STX8: variants seen among roughly 807,000 people sequenced by gnomAD.
STX8 encodes syntaxin 8.
A neutral mutation model predicts 37.5 loss-of-function variants in STX8; 23 were observed. The observed-to-expected ratio is 0.61, with a 90% CI of 0.44 to 0.87. STX8 has a LOEUF of 0.87. STX8 is among the 40% of genes least tolerant of loss of function. The probability of loss-of-function intolerance (pLI) is 0.00; values close to 1 mark genes in which losing one functional copy is unlikely to be tolerated. For synonymous variants in STX8, 115 were observed against 99.1 expected (o/e 1.16, Z -0.95); for missense variants, 313 against 284.7 (o/e 1.10, Z -0.71).
Position 9,259,148 on chromosome 17 carries a change from G to A in STX8, c.644-8503C>T, listed in dbSNP as rs146422130. On this transcript the variant is annotated intron_variant, in intron 7 of 7. Transcript: ENST00000306357. ...ATCTGCCACTGGTATACTATGACAC[G>A]TTGGGAAAGTTTAACTCTGGAGCTC... 1.6e-3 allele frequency among the ~76,000 whole-genome samples: 251 copies of A among 152,264 alleles called. 5 individuals are homozygous for A. The highest frequency in any genetic ancestry group is 5.4e-3 in the African/African-American group (226 of 41,538).
At position 9,461,622 on chromosome 17, in the gene STX8, G is replaced by A. The variant is rs572891090; in HGVS notation, c.541+30207C>T. 8.5e-5 allele frequency among the ~76,000 whole-genome samples: 13 copies of A among 152,196 alleles called. No individual in the cohort carries two copies. The South Asian group carries it at 1.5e-3, about 17-fold the overall frequency. On this transcript the variant is annotated intron_variant, in intron 6 of 7. Coordinates refer to ENST00000306357, the MANE Select transcript of STX8 (RefSeq NM_004853.3). ...GGTGCTTGTGGTGGGTTAGAGCAGC[G>A]GTCTCCAGCCTTTTGGGCACCAGGG...
chr17:9,282,054 C>T (rs1181232006), intron 7 of STX8, among the ~76,000 whole-genome samples: 2 of 152,210 alleles, frequency 1.3e-5, no homozygotes, highest in Non-Finnish European at 2.9e-5. Flanking sequence ...TCCATTTCCC[C>T]CCTCTATCTG....
chr17:9,376,596 CTT>C (rs1232715406), intron 7 of STX8, among the ~76,000 whole-genome samples: 1 of 152,210 alleles, frequency 6.6e-6, no homozygotes, highest in Admixed American at 6.5e-5. Flanking sequence ...AAGCTTTGTT[CTT>C]TCACTGTTCA....
intron 7 of STX8, among the ~76,000 whole-genome samples, chr17:9,314,702 C>G (rs934157588): frequency 6.6e-5 from 10 of 151,262 alleles, no homozygotes; most frequent in South Asian, 2.1e-4. Context: ...GCCACCATGC[C>G]CGGCCGCTTA....
At chr17:9,436,496 T>G (rs1017000126) in intron 6 of STX8, among the ~76,000 whole-genome samples, 1 of 152,142 alleles carries the variant, frequency 6.6e-6, no homozygotes, top group Non-Finnish European at 1.5e-5. Flanking sequence ...TGATTCTGAT[T>G]TTGAAAAATA....
chr17:9,260,174 T>A (rs1906956565), intron 7 of STX8, among the ~76,000 whole-genome samples: 1 of 151,844 alleles, frequency 6.6e-6, no homozygotes, highest in Non-Finnish European at 1.5e-5. Context: ...TATTTTTAAA[T>A]TAGCTGGCTG....
chr17:9,364,488 A>G (rs1049038313), intron 7 of STX8, among the ~76,000 whole-genome samples: 2 of 152,152 alleles, frequency 1.3e-5, no homozygotes, highest in Non-Finnish European at 2.9e-5. Flanking sequence ...TATCTTTGTA[A>G]TAATGATAGC....
intron 6 of STX8, among the ~76,000 whole-genome samples, chr17:9,434,413 C>A (rs188061684): frequency 2.0e-5 from 3 of 152,166 alleles, no homozygotes; most frequent in African/African-American, 2.4e-5. Context: ...AAACTAATTG[C>A]GTTAGCAGAG....
intron 4 of STX8, among the ~76,000 whole-genome samples, chr17:9,531,088 T>C (rs1905799138): frequency 6.6e-6 from 1 of 152,256 alleles, no homozygotes; most frequent in African/African-American, 2.4e-5. Context: ...ATAAATCAGG[T>C]GACAATATAT....
chr17:9,339,992 A>G (rs1910287308), intron 7 of STX8, among the ~76,000 whole-genome samples: 1 of 152,258 alleles, frequency 6.6e-6, no homozygotes, highest in African/African-American at 2.4e-5. Flanking sequence ...ACTTTAAGCA[A>G]CTTGAAGGTA....
At chr17:9,534,123 T>TA (rs1423121486) in intron 4 of STX8, among the ~76,000 whole-genome samples, 1 of 152,120 alleles carries the variant, frequency 6.6e-6, no homozygotes, top group African/African-American at 2.4e-5. Context: ...TAAAAGCTAT[T>TA]AGAGAATTAA....
intron 7 of STX8, among the ~76,000 whole-genome samples, chr17:9,326,029 C>T (rs547332024): frequency 6.6e-6 from 1 of 152,016 alleles, no homozygotes; most frequent in Non-Finnish European, 1.5e-5. Context: ...GGTTGGGGGT[C>T]GGGAGGCATC....
chr17:9,342,453 C>T (rs1186795048), intron 7 of STX8, among the ~76,000 whole-genome samples: 5 of 152,080 alleles, frequency 3.3e-5, no homozygotes, highest in Non-Finnish European at 7.4e-5. Flanking sequence ...AAAGGGAGAG[C>T]CCTAAGCGTG....
At chr17:9,424,225 G>T (rs922845309) in intron 6 of STX8, among the ~76,000 whole-genome samples, 42 of 152,224 alleles carry the variant, frequency 2.8e-4, no homozygotes, top group Admixed American at 2.1e-3. Flanking sequence ...ATAACAGCAG[G>T]GTGGCCGGGC....
chr17:9,441,960 C>T (rs1337553772), intron 6 of STX8, among the ~76,000 whole-genome samples: 1 of 151,886 alleles, frequency 6.6e-6, no homozygotes, highest in East Asian at 1.9e-4. Context: ...CATACCGCGC[C>T]TGGCACCATG....
At chr17:9,527,704 C>T (rs954039813) in intron 4 of STX8, among the ~76,000 whole-genome samples, 1 of 152,078 alleles carries the variant, frequency 6.6e-6, no homozygotes, top group Admixed American at 6.5e-5. Context: ...AGCAACAAAA[C>T]AAAATCCATC....
At chr17:9,297,241 CAAAAA>C (rs112089232) in intron 7 of STX8, among the ~76,000 whole-genome samples, 1 of 90,904 alleles carries the variant, frequency 1.1e-5, no homozygotes. Flanking sequence ...CCAGAGTTTG[CAAAAA>C]AAAAAAAAAA....
intron 6 of STX8, among the ~76,000 whole-genome samples, chr17:9,455,085 G>A (rs958142177): frequency 3.3e-5 from 5 of 151,996 alleles, no homozygotes; most frequent in African/African-American, 1.2e-4. Flanking sequence ...GTGTGGTGGT[G>A]TGCACTTGTA....
intron 7 of STX8, among the ~76,000 whole-genome samples, chr17:9,308,851 A>G (rs961105680): frequency 7.2e-5 from 11 of 152,132 alleles, no homozygotes; most frequent in Non-Finnish European, 1.5e-4. Flanking sequence ...TTCAAAGTAC[A>G]CAGAATGTCA....
Sources: allele counts gnomAD v4.1 joint callset (sites outside exome capture counted in the v4.1 genomes callset), GRCh38; gene constraint gnomAD v4.1.1; transcripts MANE v1.5; gene names NCBI Gene and HGNC (gene_info 2026-07-23, HGNC 2026-07-21).